Variants in ZNF644 observed in about 807,000 individuals in gnomAD.
The protein encoded by ZNF644 is zinc finger motif enhancer binding protein 2.
A neutral mutation model predicts 108.0 loss-of-function variants in ZNF644; 20 were observed. That is an observed-to-expected ratio of 0.19 (90% CI 0.13 to 0.27). The LOEUF (loss-of-function observed/expected upper bound fraction) is 0.27. Among genes scored for constraint, ZNF644 ranks in the 10% least tolerant of loss-of-function variants. The pLI, the probability that ZNF644 is intolerant of heterozygous loss-of-function variation, is 1.00. For missense variants in ZNF644, 1,338 were observed against 1,548.9 expected, an observed-to-expected ratio of 0.86 and a Z score of 2.29; for synonymous variants, 542 against 539.1, an observed-to-expected ratio of 1.01 and a Z score of -0.08.
intron 4 of ZNF644, among the ~76,000 whole-genome samples, chr1:90,937,174 G>T (rs1207131249): frequency 6.6e-6 from 1 of 152,098 alleles, no homozygotes; most frequent in Non-Finnish European, 1.5e-5. Flanking sequence ...TCCAGCCAGA[G>T]CAAGTTTTAT....
At chr1:90,967,786 G>A (rs540022965) in intron 2 of ZNF644, among the ~76,000 whole-genome samples, 15 of 151,480 alleles carry the variant, frequency 9.9e-5, no homozygotes, top group Non-Finnish European at 1.8e-4. Context: ...GGTGGCTCAC[G>A]CCTGTAATCC....
At chr1:90,986,135 C>T (rs937690738) in intron 1 of ZNF644, among the ~76,000 whole-genome samples, 10 of 151,854 alleles carry the variant, frequency 6.6e-5, no homozygotes, top group Non-Finnish European at 1.2e-4. Flanking sequence ...CAGTTGGCAC[C>T]GCTGGTTTTG....
chr1:91,004,720 T>A (rs979293555), intron 1 of ZNF644, among the ~76,000 whole-genome samples: 2 of 152,278 alleles, frequency 1.3e-5, no homozygotes, highest in Admixed American at 1.3e-4. Context: ...AATAGAGCTA[T>A]ATAGGAGCAA....
intron 1 of ZNF644, among the ~76,000 whole-genome samples, chr1:91,018,541 A>T (rs1660620950): frequency 6.6e-6 from 1 of 152,210 alleles, no homozygotes. Context: ...AAAACAGTTT[A>T]AAAAATGGTT....
Position 90,938,696 on chromosome 1 carries a change from A to G in ZNF644, c.2658T>C (p.His886=). The change falls in exon 3 of 6, where the codon CAT becomes CAC. Residue 886 remains histidine, a synonymous_variant. Transcript: ENST00000337393. This position sits in a 1 kb window ranked among gnomAD's most constrained non-coding sequence, Gnocchi z 4.2. ...DETYSDINQE[H]VNLFPLFKSK... ...TCTTAAATAAAGGGAATAAATTTAC[A>G]TGCTCTTGATTAATATCACTATAGG... The G allele has an allele frequency of 1.2e-6, 2 of 1,612,802 alleles. No homozygotes were observed. Among genetic ancestry groups the G allele is most frequent in the South Asian group, 2.2e-5 (2 of 90,524 alleles).
At chr1:90,962,146 T>A (rs1002657021) in intron 2 of ZNF644, among the ~76,000 whole-genome samples, 3 of 152,090 alleles carry the variant, frequency 2.0e-5, no homozygotes, top group African/African-American at 7.2e-5. Context: ...TAACTGTATC[T>A]CAATGAATAG....
chr1:90,983,905 G>A (rs550468870), intron 1 of ZNF644, among the ~76,000 whole-genome samples: 2 of 152,264 alleles, frequency 1.3e-5, no homozygotes, highest in East Asian at 3.9e-4. Flanking sequence ...TCCAGCCTAG[G>A]CAACAGAGCA....
chr1:90,936,765 C>T (rs1049192057), intron 4 of ZNF644, among the ~76,000 whole-genome samples: 1 of 152,098 alleles, frequency 6.6e-6, no homozygotes, highest in South Asian at 2.1e-4. Context: ...CTTTATCTGC[C>T]ACATTATTTG....
At chr1:90,968,681 T>A (rs941083664) in intron 2 of ZNF644, among the ~76,000 whole-genome samples, 5 of 152,198 alleles carry the variant, frequency 3.3e-5, no homozygotes, top group African/African-American at 7.2e-5. Context: ...GTGGGTTGAA[T>A]AAATTTTTTA....
chr1:90,948,236 G>A (rs1652721330), intron 2 of ZNF644, among the ~76,000 whole-genome samples: 1 of 152,144 alleles, frequency 6.6e-6, no homozygotes, highest in Non-Finnish European at 1.5e-5. Context: ...GTTTATTCAG[G>A]AAATGCTAGG....
chr1:90,939,786 C>T lies in ZNF644; in HGVS notation c.1568G>A (p.Arg523Lys), dbSNP rs1306614980. The T allele has an allele frequency of 1.2e-6, 2 of 1,613,832 alleles. No homozygotes were observed. Among genetic ancestry groups the T allele is most frequent in the Middle Eastern group, 3.3e-4 (2 of 6,062 alleles). The change falls in exon 3 of 6, where the codon AGG (arginine) becomes AAG (lysine). Residue 523 changes from arginine (R) to lysine (K), a missense_variant. Transcript: ENST00000337393. ...QHAKTHEKDK[R>K]YYCCEECNFM... is the part of the protein sequence containing the mutation. ...GTTACACTCTTCACAGCAGTAGTAC[C>T]TTTTATCTTTTTCATGGGTTTTAGC...
At chr1:90,959,850 A>C (rs2101118485) in intron 2 of ZNF644, among the ~76,000 whole-genome samples, 1 of 152,298 alleles carries the variant, frequency 6.6e-6, no homozygotes, top group Admixed American at 6.5e-5. Context: ...TACTTTTCAC[A>C]GTTTCAGTTA....
intron 1 of ZNF644, among the ~76,000 whole-genome samples, chr1:91,019,664 G>A (rs562445639): frequency 1.1e-4 from 17 of 152,188 alleles, no homozygotes; most frequent in South Asian, 2.1e-4. Flanking sequence ...TCTGCCTTCC[G>A]GGTTCAAGTG....
chr1:90,945,754 T>A (rs1272733404), intron 2 of ZNF644, among the ~76,000 whole-genome samples: 3 of 152,116 alleles, frequency 2.0e-5, no homozygotes, highest in African/African-American at 7.2e-5. Flanking sequence ...AATTCTTTTC[T>A]GATAGAAAAT....
At chr1:90,963,686 G>C (rs1469966053) in intron 2 of ZNF644, among the ~76,000 whole-genome samples, 1 of 151,980 alleles carries the variant, frequency 6.6e-6, no homozygotes. Context: ...TAATACTTCT[G>C]TATATTTCTG....
chr1:90,916,632 C>CTACT lies in ZNF644; in HGVS notation c.*162_*165dup. 1 of 710,238 alleles carries CTACT rather than the reference C, an allele frequency of 1.4e-6. No homozygotes were observed. The highest frequency in any genetic ancestry group is 1.8e-5 in the African/African-American group (1 of 55,888). The allele number at this position is 710,238 out of a possible 1,614,324, so 44.0% of individuals were successfully genotyped here. A position where few individuals can be genotyped will look rare whatever the true frequency, so the allele number is the denominator to read the frequency against. On this transcript the variant is annotated 3_prime_UTR_variant, in exon 6 of 6. Transcript: ENST00000337393. ...TTCCACCCTATATAAAATATATAGA[C>CTACT]TACTTACTGTTTTAAGTATTCAATT...
intron 1 of ZNF644, among the ~76,000 whole-genome samples, chr1:90,996,687 C>CA (rs1658178985): frequency 6.6e-6 from 1 of 152,154 alleles, no homozygotes; most frequent in African/African-American, 2.4e-5. Context: ...AGGCTGAAGA[C>CA]AAAGGATCAG....
Position 90,940,446 on chromosome 1 carries a change from T to A in ZNF644, c.908A>T (p.Tyr303Phe). ...RKMDVSKITR[Y>F]TEDCFSDSNC... ...AGAATCACTAAAGCAATCCTCGGTA[T>A]AACGAGTTATCTTGCTTACATCCAT... The change falls in exon 3 of 6, where the codon TAT becomes TTT. Residue 303 changes from tyrosine to phenylalanine, a missense_variant. By Grantham distance (22) the Tyr-to-Phe change is conservative. Coordinates refer to ENST00000337393, the MANE Select transcript of ZNF644 (RefSeq NM_201269.3). 6.2e-7 allele frequency: 1 copy of A among 1,613,660 alleles called. No homozygotes were observed. The highest frequency in any genetic ancestry group is 8.5e-7 in the Non-Finnish European group (1 of 1,179,906).
chr1:90,935,601 T>A, intron 4 of ZNF644: 1 of 957,672 alleles, frequency 1.0e-6, no homozygotes, highest in Non-Finnish European at 1.2e-6. Context: ...TTAAAGAGTG[T>A]AGAAAAGCAC....
Sources: allele counts gnomAD v4.1 joint callset (sites outside exome capture counted in the v4.1 genomes callset), GRCh38; gene constraint gnomAD v4.1.1; non-coding constraint Gnocchi (gnomAD v3.1); transcripts MANE v1.5; gene names NCBI Gene and HGNC (gene_info 2026-07-23, HGNC 2026-07-21).